The following MFSD6 variants were observed in gnomAD, a reference collection of about 807,000 sequenced individuals.
The protein encoded by MFSD6 is major facilitator superfamily domain containing 6.
In MFSD6, 26 loss-of-function variants were observed where a neutral mutation model predicts 56.3. That is an observed-to-expected ratio of 0.46 (90% confidence interval 0.34 to 0.64). The LOEUF is 0.64. Among genes scored for constraint, MFSD6 ranks in the 30% least tolerant of loss-of-function variants. The pLI is 0.01. For synonymous variants in MFSD6, 331 were observed against 366.9 expected (o/e 0.90, Z 1.12); for missense variants, 750 against 986.2 (o/e 0.76, Z 3.21).
At position 190,496,805 on chromosome 2, in the gene MFSD6, C is replaced by A. The variant is rs770163173; in HGVS notation, c.1892-634C>A. Among the ~76,000 whole-genome samples, 1 of 152,140 alleles carries A rather than the reference C, an allele frequency of 6.6e-6. No individual in the cohort carries two copies. Among genetic ancestry groups the A allele is most frequent in the Non-Finnish European group, 1.5e-5 (1 of 68,020 alleles). ...AGACCATATTCTAAGTGAAGCAACT[C>A]AAGAATGGAAAACCAAACATCGTAT... On this transcript the variant is annotated intron_variant, in intron 6 of 7. Coordinates refer to ENST00000392328, the MANE Select transcript of MFSD6 (RefSeq NM_017694.4). This position sits in a 1 kb window ranked among gnomAD's most constrained non-coding sequence, Gnocchi z 4.7.
At position 190,497,541 on chromosome 2, in the gene MFSD6, T is replaced by G; in HGVS notation, c.1994T>G (p.Ile665Ser). The G allele has an allele frequency of 3.1e-6, 5 of 1,614,218 alleles. No individual in the cohort carries two copies. Among genetic ancestry groups the G allele is most frequent in the South Asian group, 2.2e-5 (2 of 91,082 alleles). ...CAGACAGAAGATGTCATGCCACGCA[T>G]TGAGCCCAGACTTCCACCCAAGAAA... ...QQQTEDVMPR[I>S]EPRLPPKKTK... Residue 665 changes from isoleucine (I) to serine (S), a missense_variant, in exon 7 of 8, where the codon ATT becomes AGT. Transcript: ENST00000392328. The surrounding 1 kb of genome is among the most constrained non-coding windows in gnomAD (Gnocchi z 5.2).
At chr2:190,411,041 C>T (rs1690539278) in intron 1 of MFSD6, 10 of 868,512 alleles carry the variant, frequency 1.2e-5, no homozygotes, top group South Asian at 5.3e-5. Flanking sequence ...GGCAACAGAG[C>T]GAGACTCTAT....
At position 190,495,787 on chromosome 2, in the gene MFSD6, C is replaced by T. The variant is rs2125263084; in HGVS notation, c.1892-1652C>T. Among the ~76,000 whole-genome samples, 1 of 152,200 alleles carries T rather than the reference C, an allele frequency of 6.6e-6. No homozygotes were observed. The highest frequency in any genetic ancestry group is 3.4e-3 in the Middle Eastern group (1 of 294). On this transcript the variant is annotated intron_variant, in intron 6 of 7. Coordinates refer to ENST00000392328, the MANE Select transcript of MFSD6 (RefSeq NM_017694.4). This position sits in a 1 kb window ranked among gnomAD's most constrained non-coding sequence, Gnocchi z 4.7. Reference sequence around the variant, plus strand: ...AATGGTGCTGGGATAATTGGCAAGCCACATGTAGGAGAATGAAACTGGATC... The same window carrying T: ...AATGGTGCTGGGATAATTGGCAAGCTACATGTAGGAGAATGAAACTGGATC...
intron 2 of MFSD6, among the ~76,000 whole-genome samples, chr2:190,421,093 C>A (rs1380076411): frequency 6.6e-6 from 1 of 152,150 alleles, no homozygotes; most frequent in Non-Finnish European, 1.5e-5. Context: ...GGGAGAAAGT[C>A]ACTCATCAAG....
At position 190,500,371 on chromosome 2, in the gene MFSD6, A is replaced by G; in HGVS notation, c.*153A>G. On this transcript the variant is annotated 3_prime_UTR_variant, in exon 8 of 8. Transcript: ENST00000392328. The surrounding 1 kb of genome is among the most constrained non-coding windows in gnomAD (Gnocchi z 5.3). ...AACTCATTAACATGGAAACACACAC[A>G]CAGGAGCTACAGTACATATTGGCAG... is the stretch of plus-strand genomic sequence containing the variant. 1.3e-6 allele frequency: 1 copy of G among 741,386 alleles called. No homozygotes were observed. The allele number at this position is 741,386 out of a possible 1,614,324, so 45.9% of individuals were successfully genotyped here.
At chr2:190,455,934 CTTTTTTTTT>C (rs34054506) in intron 3 of MFSD6, among the ~76,000 whole-genome samples, 1 of 65,370 alleles carries the variant, frequency 1.5e-5, no homozygotes, top group Non-Finnish European at 2.5e-5. Flanking sequence ...ATTTACTCTG[CTTTTTTTTT>C]TTTTTTTTTT....
chr2:190,408,153 C>T (rs539630775), upstream of MFSD6, among the ~76,000 whole-genome samples: 3 of 151,732 alleles, frequency 2.0e-5, no homozygotes, highest in Admixed American at 2.0e-4. Flanking sequence ...ACCTGGCGGC[C>T]GGTCCTCAGC....
At chr2:190,427,998 C>T (rs1685837162) in intron 2 of MFSD6, among the ~76,000 whole-genome samples, 1 of 152,220 alleles carries the variant, frequency 6.6e-6, no homozygotes, top group Non-Finnish European at 1.5e-5. Context: ...TCCCAAAGTG[C>T]TGGGATTACA....
chr2:190,490,434 G>T lies in MFSD6; in HGVS notation c.1891+568G>T, dbSNP rs910010574. ...AAAAATTAGCCGGGCACGGTGGTGG[G>T]CGCCTGTAATCCCAGCTACTCAGGA... On this transcript the variant is annotated intron_variant, in intron 6 of 7. Transcript: ENST00000392328. This position sits in a 1 kb window ranked among gnomAD's most constrained non-coding sequence, Gnocchi z 4.5. 6.6e-6 allele frequency among the ~76,000 whole-genome samples: 1 copy of T among 151,868 alleles called. No homozygotes were observed. Among genetic ancestry groups the T allele is most frequent in the African/African-American group, 2.4e-5 (1 of 41,330 alleles).
rs773336086 is a variant in MFSD6 at position 190,415,234 on chromosome 2, T to A, written c.-175-58T>A. On this transcript the variant is annotated intron_variant, in intron 1 of 7. Transcript: ENST00000392328. The surrounding 1 kb of genome is among the most constrained non-coding windows in gnomAD (Gnocchi z 4.5). ...GCATTGAATATTTCCATTTTAAAAA[T>A]TATTGGTATGGTATGTATGTTAAAG... The A allele has an allele frequency of 2.0e-4, 31 of 152,334 alleles. No individual in the cohort carries two copies. The highest frequency in any genetic ancestry group is 6.5e-4 in the Admixed American group (10 of 15,300). 9.4% of individuals were successfully genotyped at this position (152,334 alleles called of 1,614,324 possible). A position where few individuals can be genotyped will look rare whatever the true frequency, so the allele number is the denominator to read the frequency against.
Position 190,426,953 on chromosome 2 carries a change from CTT to C in MFSD6, c.-53-9022_-53-9021del, listed in dbSNP as rs2125017137. ...GAAGTCCAAGTTCCTCACTCAGCCT[CTT>C]TGGATACCTGAAGGTGAAAGACTTT... On this transcript the variant is annotated intron_variant, in intron 2 of 7. Transcript: ENST00000392328. This position sits in a 1 kb window ranked among gnomAD's most constrained non-coding sequence, Gnocchi z 4.7. 6.6e-6 allele frequency among the ~76,000 whole-genome samples: 1 copy of C among 152,334 alleles called. No homozygotes were observed. The highest frequency in any genetic ancestry group is 2.4e-5 in the African/African-American group (1 of 41,578).
chr2:190,438,371 C>A lies in MFSD6; in HGVS notation c.1532+810C>A, dbSNP rs944384759. ...TCTCTACTAAAAATACAAAAGTTAG[C>A]CGGGCATGGTGGCACGCACCCGTAG... is the stretch of plus-strand genomic sequence containing the variant. On this transcript the variant is annotated intron_variant, in intron 3 of 7. Transcript: ENST00000392328. This position sits in a 1 kb window ranked among gnomAD's most constrained non-coding sequence, Gnocchi z 5.2. Among the ~76,000 whole-genome samples the A allele has an allele frequency of 6.6e-6, 1 of 152,118 alleles. No individual in the cohort carries two copies. The highest frequency in any genetic ancestry group is 1.5e-5 in the Non-Finnish European group (1 of 68,024).
rs1690492617 is a variant in MFSD6 at position 190,410,044 on chromosome 2, G to A, written c.-176+1541G>A. Among the ~76,000 whole-genome samples the A allele has an allele frequency of 6.6e-6, 1 of 152,106 alleles. No individual in the cohort carries two copies. The highest frequency in any genetic ancestry group is 2.1e-4 in the South Asian group (1 of 4,818). ...ATGTTTACAGCAGTTTATTTCTAAG[G>A]CACTTTCCATCTCTATACAAATAAA... On this transcript the variant is annotated intron_variant, in intron 1 of 7. Transcript: ENST00000392328. This position sits in a 1 kb window ranked among gnomAD's most constrained non-coding sequence, Gnocchi z 4.4.
chr2:190,488,555 A>C lies in MFSD6; in HGVS notation c.1631-102A>C. 1.8e-6 allele frequency: 2 copies of C among 1,114,850 alleles called. No homozygotes were observed. The highest frequency in any genetic ancestry group is 6.0e-5 in the Admixed American group (2 of 33,220). 69.1% of individuals were successfully genotyped at this position (1,114,850 alleles called of 1,614,324 possible). On this transcript the variant is annotated intron_variant, in intron 4 of 7. Coordinates refer to ENST00000392328, the MANE Select transcript of MFSD6 (RefSeq NM_017694.4). This position sits in a 1 kb window ranked among gnomAD's most constrained non-coding sequence, Gnocchi z 6.4. ...TTTTTAATGTATGTTTTCCCACAAC[A>C]AATCTTAAAAATAGGTGCCTAGTTA...
intron 1 of MFSD6, among the ~76,000 whole-genome samples, 158 bp downstream of exon 1, chr2:190,408,661 C>T (rs937067225): frequency 6.6e-6 from 1 of 151,792 alleles, no homozygotes; most frequent in Non-Finnish European, 1.5e-5. Context: ...CCAGCGTGCG[C>T]CGCTGTCTCC....
chr2:190,416,515 C>G lies in MFSD6; in HGVS notation c.-54+1102C>G, dbSNP rs542196358. 1.3e-5 allele frequency among the ~76,000 whole-genome samples: 2 copies of G among 152,282 alleles called. No individual in the cohort carries two copies. The highest frequency in any genetic ancestry group is 3.9e-4 in the East Asian group (2 of 5,182). On this transcript the variant is annotated intron_variant, in intron 2 of 7. Coordinates refer to ENST00000392328, the MANE Select transcript of MFSD6 (RefSeq NM_017694.4). The surrounding 1 kb of genome is among the most constrained non-coding windows in gnomAD (Gnocchi z 4.1). ...AGTGTGTTCTCCAGTGAACCAGTGCCTCACAGGCCCCCATCAGGCTGTAGA... is the reference window on the plus strand; with the variant it reads ...AGTGTGTTCTCCAGTGAACCAGTGCGTCACAGGCCCCCATCAGGCTGTAGA...
At position 190,424,846 on chromosome 2, in the gene MFSD6, CT is replaced by C. The variant is rs1192633818; in HGVS notation, c.-54+9438del. On this transcript the variant is annotated intron_variant, in intron 2 of 7. Coordinates refer to ENST00000392328, the MANE Select transcript of MFSD6 (RefSeq NM_017694.4). The surrounding 1 kb of genome is among the most constrained non-coding windows in gnomAD (Gnocchi z 5.9). ...CGGTCTTAATGCACAGCTATATGAT[CT>C]TTTTCAAAACTGCTTTAGCTATTCG... Among the ~76,000 whole-genome samples, 1 of 152,286 alleles carries C rather than the reference CT, an allele frequency of 6.6e-6. No individual in the cohort carries two copies.
intron 4 of MFSD6, among the ~76,000 whole-genome samples, chr2:190,474,407 A>G (rs62181029): frequency 0.16 from 23,707 of 152,176 alleles, 1,967 homozygotes; most frequent in East Asian, 0.3. Flanking sequence ...CCACAGAAAT[A>G]CAAACTACCA....
chr2:190,430,597 G>A (rs1248985202), intron 2 of MFSD6, among the ~76,000 whole-genome samples: 1 of 152,224 alleles, frequency 6.6e-6, no homozygotes, highest in Non-Finnish European at 1.5e-5. Flanking sequence ...AGTCTCCCAT[G>A]TCTGCTTCTT....
Sources: allele counts gnomAD v4.1 joint callset (sites outside exome capture counted in the v4.1 genomes callset), GRCh38; gene constraint gnomAD v4.1.1; non-coding constraint Gnocchi (gnomAD v3.1); transcripts MANE v1.5; gene names NCBI Gene and HGNC (gene_info 2026-07-23, HGNC 2026-07-21).